DCBLD2: variants seen among roughly 807,000 people sequenced by gnomAD.
DCBLD2 encodes discoidin, CUB and LCCL domain containing 2, also known as discoidin, CUB and LCCL domain-containing protein 2.
Under a neutral mutation model 86.8 loss-of-function variants are expected in DCBLD2, and 54 were observed. The ratio of observed to expected loss-of-function variants is 0.62; its 90% confidence interval spans 0.50 to 0.78. The LOEUF (loss-of-function observed/expected upper bound fraction) is 0.78. DCBLD2 is among the 30% of genes least tolerant of loss of function. DCBLD2 has a pLI of 0.00. For missense variants in DCBLD2, 908 were observed against 954.2 expected, an observed-to-expected ratio of 0.95 and a Z score of 0.64; for synonymous variants, 354 against 341.3, an observed-to-expected ratio of 1.04 and a Z score of -0.41.
intron 2 of DCBLD2, among the ~76,000 whole-genome samples, chr3:98,870,749 GAAAGAAAGAA>G (rs1553731661): frequency 9.0e-6 from 1 of 111,204 alleles, no homozygotes; most frequent in South Asian, 3.6e-4. Flanking sequence ...AAGAAAGAAA[GAAAGAAAGAA>G]AGAAAGAAAG....
chr3:98,836,646 G>A (rs1198110748), intron 3 of DCBLD2, among the ~76,000 whole-genome samples: 1 of 129,970 alleles, frequency 7.7e-6, no homozygotes, highest in Non-Finnish European at 1.7e-5. Flanking sequence ...GGGCAGAGGG[G>A]CTCCTCACTT....
At chr3:98,870,806 A>AAAGAAGGAAAGAAAGAAAGAAAGG (rs1943267047) in intron 2 of DCBLD2, among the ~76,000 whole-genome samples, 1 of 123,300 alleles carries the variant, frequency 8.1e-6, no homozygotes, top group Admixed American at 8.1e-5. Context: ...AGAAAGAAAG[A>AAAGAAGGAAAGAAAGAAAGAAAGG]AAGAAAGGTA....
At chr3:98,869,204 G>A (rs1943215203) in intron 2 of DCBLD2, among the ~76,000 whole-genome samples, 1 of 152,178 alleles carries the variant, frequency 6.6e-6, no homozygotes, top group Non-Finnish European at 1.5e-5. Flanking sequence ...GTGATGACTA[G>A]TGATGTTGAG....
At chr3:98,803,839 G>C (rs1941777019) in intron 13 of DCBLD2, among the ~76,000 whole-genome samples, 1 of 152,118 alleles carries the variant, frequency 6.6e-6, no homozygotes, top group South Asian at 2.1e-4. Flanking sequence ...TTATATGCTG[G>C]ATTACGTTTA....
chr3:98,802,688 C>G (rs904895607), intron 13 of DCBLD2, among the ~76,000 whole-genome samples: 1 of 152,174 alleles, frequency 6.6e-6, no homozygotes, highest in African/African-American at 2.4e-5. Flanking sequence ...TTAGGTCTAA[C>G]ATTTAAGTCT....
chr3:98,807,815 G>T (rs1164462250), intron 13 of DCBLD2: 3 of 215,306 alleles, frequency 1.4e-5, no homozygotes, highest in Non-Finnish European at 2.7e-5. Context: ...TTAAGTAAAT[G>T]TAACTATCAT....
At chr3:98,857,681 G>A (rs1306970842) in intron 2 of DCBLD2, among the ~76,000 whole-genome samples, 2 of 152,120 alleles carry the variant, frequency 1.3e-5, no homozygotes, top group Non-Finnish European at 2.9e-5. Flanking sequence ...GCCGATTGGT[G>A]TATTTACAAT....
intron 2 of DCBLD2, among the ~76,000 whole-genome samples, chr3:98,880,966 G>C (rs1232835999): frequency 6.6e-6 from 1 of 152,048 alleles, no homozygotes; most frequent in African/African-American, 2.4e-5. Context: ...ATAATTGGCT[G>C]GGTGCAGTGG....
chr3:98,842,614 G>A (rs879089085), intron 3 of DCBLD2, among the ~76,000 whole-genome samples: 1 of 152,188 alleles, frequency 6.6e-6, no homozygotes, highest in South Asian at 2.1e-4. Context: ...TATGAAAGCA[G>A]AGTCCACAGT....
intron 12 of DCBLD2, among the ~76,000 whole-genome samples, chr3:98,810,403 G>A (rs1353404051): frequency 6.6e-6 from 1 of 152,166 alleles, no homozygotes; most frequent in African/African-American, 2.4e-5. Context: ...CTGAATCCAG[G>A]CAAACTTTCA....
At chr3:98,812,239 A>G (rs1941952014) in intron 10 of DCBLD2, 93 bp downstream of exon 10, 1 of 1,473,164 alleles carries the variant, frequency 6.8e-7, no homozygotes, top group Non-Finnish European at 9.2e-7. Context: ...CCAGAAAGAC[A>G]CTCACATTAT....
At chr3:98,871,043 T>C (rs1306019910) in intron 2 of DCBLD2, among the ~76,000 whole-genome samples, 1 of 152,020 alleles carries the variant, frequency 6.6e-6, no homozygotes, top group African/African-American at 2.4e-5. Context: ...TTTCCTTTTT[T>C]TGCAACAATT....
At position 98,808,183 on chromosome 3, in the gene DCBLD2, A is replaced by G. The variant is rs1030002526; in HGVS notation, c.1577-9T>C. 7.6e-6 allele frequency: 12 copies of G among 1,588,950 alleles called. No homozygotes were observed. In the African/African-American group the frequency reaches 1.1e-4, roughly 14 times the overall value. Reference sequence around the variant, plus strand: ...TGCAGCCAGCGCTACATCTGAAGTTACAAAGACAAAAACAGACAAACAAAA... The same window carrying G: ...TGCAGCCAGCGCTACATCTGAAGTTGCAAAGACAAAAACAGACAAACAAAA... On this transcript the variant is annotated splice_polypyrimidine_tract_variant and intron_variant, in intron 12 of 15. Transcript: ENST00000326840.
intron 2 of DCBLD2, among the ~76,000 whole-genome samples, chr3:98,862,262 A>G (rs995605950): frequency 3.9e-5 from 6 of 152,182 alleles, no homozygotes; most frequent in Non-Finnish European, 8.8e-5. Flanking sequence ...AGGACCAGAC[A>G]GATTCACAGC....
intron 2 of DCBLD2, among the ~76,000 whole-genome samples, chr3:98,872,222 G>A (rs1178404661): frequency 6.6e-6 from 1 of 152,176 alleles, no homozygotes; most frequent in Non-Finnish European, 1.5e-5. Context: ...ATTGGAAAGT[G>A]GGGCCTAATG....
intron 13 of DCBLD2, among the ~76,000 whole-genome samples, chr3:98,806,751 C>T (rs1201045569): frequency 1.3e-5 from 2 of 152,196 alleles, no homozygotes; most frequent in Non-Finnish European, 2.9e-5. Flanking sequence ...ACCTGTCCTT[C>T]CTGCTGTGTT....
chr3:98,846,029 C>G (rs1377003359), intron 3 of DCBLD2, among the ~76,000 whole-genome samples: 1 of 152,212 alleles, frequency 6.6e-6, no homozygotes, highest in African/African-American at 2.4e-5. Flanking sequence ...CTTTTTCCAA[C>G]CCTATACTGC....
chr3:98,881,880 C>G, intron 1 of DCBLD2, 113 bp from the exon 2 acceptor site: 1 of 1,026,254 alleles, frequency 9.7e-7, no homozygotes, highest in East Asian at 2.6e-5. Context: ...TTTATACCAC[C>G]CATACTTTCT....
At position 98,801,349 on chromosome 3, in the gene DCBLD2, C is replaced by A. The variant is rs1941714796; in HGVS notation, c.1720+251G>T. 2.9e-5 allele frequency: 13 copies of A among 442,102 alleles called. No individual in the cohort carries two copies. The East Asian group carries it at 4.3e-4, about 15-fold the overall frequency. 27.4% of individuals were successfully genotyped at this position (442,102 alleles called of 1,614,324 possible). On this transcript the variant is annotated intron_variant, in intron 14 of 15. Transcript: ENST00000326840. Reference sequence around the variant, plus strand: ...ATGAGAAACAGATACACAGGACAAACTACACAAGTTTTCCAGAAGAAAAAG... The same window carrying A: ...ATGAGAAACAGATACACAGGACAAAATACACAAGTTTTCCAGAAGAAAAAG...
Sources: gnomAD v4.1 joint callset for allele counts (sites outside exome capture counted in the v4.1 genomes callset) on GRCh38, gnomAD v4.1.1 for gene constraint, MANE v1.5 for transcripts, NCBI Gene and HGNC (gene_info 2026-07-23, HGNC 2026-07-21) for gene names.